Variants in LIPC observed in about 807,000 individuals in gnomAD.
The protein encoded by LIPC is lipase C, hepatic type.
LIPC carries 44 observed loss-of-function variants against 50.7 expected under a neutral mutation model. That is an observed-to-expected ratio of 0.87 (90% CI 0.68 to 1.11). LIPC has a LOEUF of 1.11. Ranked by LOEUF, LIPC falls within the 50% of genes most tolerant of loss-of-function variation. The probability of loss-of-function intolerance (pLI) is 0.00; values close to 1 mark genes in which losing one functional copy is unlikely to be tolerated. For missense variants in LIPC, 697 were observed against 648.2 expected, an observed-to-expected ratio of 1.08 and a Z score of -0.82; for synonymous variants, 271 against 256.4, an observed-to-expected ratio of 1.06 and a Z score of -0.54.
chr15:58,504,706 C>A (rs1050538707), intron 1 of LIPC, among the ~76,000 whole-genome samples: 4 of 152,182 alleles, frequency 2.6e-5, no homozygotes, highest in Admixed American at 2.6e-4. Flanking sequence ...AAATTTCTAC[C>A]ATTATTGTCA....
intron 1 of LIPC, chr15:58,435,175 T>C (rs548300485): frequency 2.2e-4 from 33 of 152,344 alleles, no homozygotes; most frequent in African/African-American, 7.2e-4. Context: ...ATTTTCCAAA[T>C]AAGTTTTAAA....
At chr15:58,506,977 C>A (rs557688332) in intron 1 of LIPC, among the ~76,000 whole-genome samples, 1 of 152,264 alleles carries the variant, frequency 6.6e-6, no homozygotes, top group East Asian at 1.9e-4. Context: ...AGGAGAAATG[C>A]CCAGCGAAGG....
At chr15:58,458,901 G>A (rs1241825983) in intron 1 of LIPC, among the ~76,000 whole-genome samples, 2 of 152,210 alleles carry the variant, frequency 1.3e-5, no homozygotes, top group East Asian at 1.9e-4. Flanking sequence ...GCGTTAAGTG[G>A]GGAAAAAGTA....
chr15:58,565,763 T>C (rs1212180407), intron 8 of LIPC: 2 of 989,368 alleles, frequency 2.0e-6, no homozygotes, highest in African/African-American at 3.5e-5. Flanking sequence ...AGAGTTGCAG[T>C]GCTGGACATT....
chr15:58,471,891 G>A (rs558677266), intron 1 of LIPC, among the ~76,000 whole-genome samples: 1 of 152,250 alleles, frequency 6.6e-6, no homozygotes, highest in Non-Finnish European at 1.5e-5. Context: ...GCTCCCCAGT[G>A]AAGCTCCCTG....
intron 1 of LIPC, among the ~76,000 whole-genome samples, chr15:58,482,954 C>A (rs1204205828): frequency 7.9e-5 from 12 of 152,174 alleles, no homozygotes; most frequent in Non-Finnish European, 1.8e-4. Context: ...GGCCCAGAAC[C>A]TGGCCAGCCT....
chr15:58,545,687 T>A (rs1055092597), intron 4 of LIPC, 55 bp from the exon 5 acceptor site: 77 of 1,458,832 alleles, frequency 5.3e-5, no homozygotes, highest in Non-Finnish European at 6.9e-5. Flanking sequence ...AAAAAGCACA[T>A]CTCTCTTCCC....
At chr15:58,452,525 T>G (rs1893939065) in intron 1 of LIPC, among the ~76,000 whole-genome samples, 1 of 152,384 alleles carries the variant, frequency 6.6e-6, no homozygotes, top group South Asian at 2.1e-4. Context: ...TATAGCATCC[T>G]GGGCAGATTC....
At chr15:58,526,745 A>G (rs1445550137) in intron 1 of LIPC, among the ~76,000 whole-genome samples, 1 of 152,226 alleles carries the variant, frequency 6.6e-6, no homozygotes, top group Admixed American at 6.5e-5. Flanking sequence ...ATCTTAGGCA[A>G]GTTTGGAAAG....
At chr15:58,558,184 T>A (rs1349363413) in intron 6 of LIPC, among the ~76,000 whole-genome samples, 2 of 151,960 alleles carry the variant, frequency 1.3e-5, no homozygotes, top group African/African-American at 4.8e-5. Context: ...GCAATTCTCC[T>A]ACCTCAGCCT....
At position 58,563,641 on chromosome 15, in the gene LIPC, A is replaced by G. The variant is rs1376217396; in HGVS notation, c.1306A>G (p.Ile436Val). The change falls in exon 8 of 9, where the codon ATC becomes GTC. Residue 436 changes from isoleucine to valine, a missense_variant. By Grantham distance (29) the Ile-to-Val change is conservative (BLOSUM62 3). Coordinates refer to ENST00000299022, the MANE Select transcript of LIPC (RefSeq NM_000236.3). ...WANVWDTVQT[I>V]IPWSTGPRHS... is the part of the protein sequence containing the mutation. ...CAATGTCTGGGACACGGTCCAGACC[A>G]TCATCCCATGGAGCACAGGGCCGCG... 2 of 1,614,204 alleles carry G rather than the reference A, an allele frequency of 1.2e-6. No homozygotes were observed. Among genetic ancestry groups the G allele is most frequent in the East Asian group, 2.2e-5 (1 of 44,888 alleles).
chr15:58,557,379 CTTTTTTTT>C (rs386383140), intron 6 of LIPC, among the ~76,000 whole-genome samples: 3 of 75,700 alleles, frequency 4.0e-5, no homozygotes, highest in East Asian at 4.6e-4. Flanking sequence ...ATTATATGCT[CTTTTTTTT>C]TTTTTTTTTT....
intron 1 of LIPC, among the ~76,000 whole-genome samples, chr15:58,503,691 G>A (rs1177460822): frequency 6.6e-6 from 1 of 152,232 alleles, no homozygotes; most frequent in Non-Finnish European, 1.5e-5. Flanking sequence ...CCCAAAGGCA[G>A]AGGGGATGTG....
intron 1 of LIPC, among the ~76,000 whole-genome samples, chr15:58,499,277 G>T (rs1246253997): frequency 6.6e-6 from 1 of 152,118 alleles, no homozygotes; most frequent in Non-Finnish European, 1.5e-5. Flanking sequence ...GATTCTTTGG[G>T]GGTAGAGCCA....
At chr15:58,436,884 A>G (rs750859136) in intron 1 of LIPC, 1 of 456,148 alleles carries the variant, frequency 2.2e-6, no homozygotes, top group Non-Finnish European at 4.4e-6. Context: ...TGTGCTTTTC[A>G]AGCCCAAATA....
chr15:58,532,976 T>C (rs1159026859), intron 1 of LIPC, among the ~76,000 whole-genome samples: 4 of 152,216 alleles, frequency 2.6e-5, no homozygotes, highest in Non-Finnish European at 4.4e-5. Context: ...GTTTTGCTGC[T>C]CTAGGAACTT....
intron 2 of LIPC, among the ~76,000 whole-genome samples, chr15:58,540,976 T>C (rs1479069397): frequency 3.3e-5 from 5 of 152,030 alleles, no homozygotes; most frequent in Non-Finnish European, 1.5e-5. Flanking sequence ...AACTTTTGTA[T>C]TTTTTGTGGA....
At chr15:58,491,848 G>A (rs1891596945) in intron 1 of LIPC, among the ~76,000 whole-genome samples, 1 of 152,188 alleles carries the variant, frequency 6.6e-6, no homozygotes, top group African/African-American at 2.4e-5. Context: ...AGAGCTCAGG[G>A]TGCCAGAAAC....
At chr15:58,526,707 T>A (rs1400610485) in intron 1 of LIPC, among the ~76,000 whole-genome samples, 2 of 152,300 alleles carry the variant, frequency 1.3e-5, no homozygotes, top group Admixed American at 1.3e-4. Flanking sequence ...GAAGGAACTA[T>A]GTTGGGTTGA....
Sources: allele counts gnomAD v4.1 joint callset (sites outside exome capture counted in the v4.1 genomes callset), GRCh38; gene constraint gnomAD v4.1.1; transcripts MANE v1.5; gene names NCBI Gene and HGNC (gene_info 2026-07-23, HGNC 2026-07-21).